The following NRF1 variants were observed in gnomAD, a reference collection of about 807,000 sequenced individuals.
NRF1 encodes the protein nuclear respiratory factor 1, also known as alpha palindromic-binding protein.
A neutral mutation model predicts 58.5 loss-of-function variants in NRF1; 5 were observed. The ratio of observed to expected loss-of-function variants is 0.09; its 90% confidence interval spans 0.04 to 0.18. The LOEUF is 0.18. NRF1 is among the 10% of genes least tolerant of loss of function. The probability of loss-of-function intolerance (pLI) is 1.00; values close to 1 mark genes in which losing one functional copy is unlikely to be tolerated. For missense variants in NRF1, 288 were observed against 657.7 expected (o/e 0.44, Z 6.15); for synonymous variants, 224 against 246.7 (o/e 0.91, Z 0.86).
intron 1 of NRF1, among the ~76,000 whole-genome samples, chr7:129,634,039 AAAAGAT>A (rs1304957133): frequency 1.6e-4 from 14 of 89,428 alleles, no homozygotes; most frequent in African/African-American, 5.6e-4. Flanking sequence ...TAAAAAAAAA[AAAAGAT>A]ATATATATAT....
intron 2 of NRF1, among the ~76,000 whole-genome samples, chr7:129,668,614 A>T (rs1466741038): frequency 6.6e-6 from 1 of 152,260 alleles, no homozygotes; most frequent in Admixed American, 6.5e-5. Context: ...AAGAATAGGT[A>T]AACAAACTGG....
chr7:129,652,237 G>C (rs1469134752), intron 1 of NRF1, among the ~76,000 whole-genome samples: 1 of 152,086 alleles, frequency 6.6e-6, no homozygotes, highest in Admixed American at 6.6e-5. Context: ...AGCCATAGAG[G>C]TCATATTTCT....
At chr7:129,625,152 A>C (rs1421255587) in intron 1 of NRF1, among the ~76,000 whole-genome samples, 2 of 152,276 alleles carry the variant, frequency 1.3e-5, no homozygotes, top group East Asian at 1.9e-4. Flanking sequence ...TTGTGGCTAC[A>C]TCACTCCAGT....
chr7:129,686,687 C>G (rs747686346), intron 4 of NRF1, among the ~76,000 whole-genome samples: 1 of 152,120 alleles, frequency 6.6e-6, no homozygotes, highest in Non-Finnish European at 1.5e-5. Context: ...TAAGTGTTTC[C>G]AAAATTTCAA....
At chr7:129,738,067 T>C (rs945017725) in intron 10 of NRF1, among the ~76,000 whole-genome samples, 2 of 152,192 alleles carry the variant, frequency 1.3e-5, no homozygotes, top group African/African-American at 4.8e-5. Context: ...CCCTTGTTGA[T>C]AGAGTGCCTT....
At chr7:129,750,348 GACTTAGGGCAC>G (rs760882842) in intron 10 of NRF1, among the ~76,000 whole-genome samples, 30 of 152,298 alleles carry the variant, frequency 2.0e-4, no homozygotes, top group Admixed American at 5.2e-4. Flanking sequence ...GCAGCCGCCC[GACTTAGGGCAC>G]GCTGGGTTTC....
intron 4 of NRF1, among the ~76,000 whole-genome samples, chr7:129,681,748 A>C (rs1802315910): frequency 1.3e-5 from 2 of 151,912 alleles, no homozygotes; most frequent in Admixed American, 1.3e-4. Context: ...TAAGATAAGA[A>C]GTACATATTT....
At chr7:129,714,680 C>T (rs549892679) in intron 8 of NRF1, among the ~76,000 whole-genome samples, 101 of 152,232 alleles carry the variant, frequency 6.6e-4, no homozygotes, top group African/African-American at 2.3e-3. Context: ...GGCTTGCTGG[C>T]ACAATCCACT....
intron 1 of NRF1, among the ~76,000 whole-genome samples, chr7:129,654,426 T>G (rs1331886749): frequency 6.6e-6 from 1 of 152,224 alleles, no homozygotes; most frequent in Admixed American, 6.5e-5. Context: ...CTCATTCTTT[T>G]GGCAGTGTCT....
intron 7 of NRF1, 35 bp downstream of exon 7, chr7:129,710,606 C>T: frequency 1.8e-6 from 2 of 1,101,260 alleles, no homozygotes; most frequent in Non-Finnish European, 2.8e-6. Context: ...ACTGTGGCTT[C>T]TGAGATGGAT....
chr7:129,640,302 A>C (rs1460453024), intron 1 of NRF1, among the ~76,000 whole-genome samples: 1 of 152,172 alleles, frequency 6.6e-6, no homozygotes, highest in Non-Finnish European at 1.5e-5. Flanking sequence ...GGATCGCATG[A>C]GCCCAGGAGT....
At chr7:129,649,209 T>C (rs1373981939) in intron 1 of NRF1, among the ~76,000 whole-genome samples, 1 of 152,188 alleles carries the variant, frequency 6.6e-6, no homozygotes, top group East Asian at 1.9e-4. Flanking sequence ...GACTTTAGGC[T>C]TCTTTAGGCT....
intron 4 of NRF1, 25 bp downstream of exon 4, chr7:129,677,783 A>G: frequency 6.2e-7 from 1 of 1,610,564 alleles, no homozygotes; most frequent in Non-Finnish European, 8.5e-7. Context: ...AGCTGTTCTC[A>G]TTTGCCCTTT....
chr7:129,651,263 AAT>A (rs1014066778), intron 1 of NRF1, among the ~76,000 whole-genome samples: 85 of 152,178 alleles, frequency 5.6e-4, no homozygotes, highest in African/African-American at 1.9e-3. Context: ...CTCTGCTAAA[AAT>A]ACAAAAATCA....
At chr7:129,653,247 G>A (rs756591854) in intron 1 of NRF1, among the ~76,000 whole-genome samples, 14 of 152,220 alleles carry the variant, frequency 9.2e-5, no homozygotes, top group Non-Finnish European at 1.3e-4. Context: ...TGTAGCATGA[G>A]TCAGAATTTC....
At chr7:129,677,897 G>T in intron 4 of NRF1, 139 bp downstream of exon 4, 2 of 938,808 alleles carry the variant, frequency 2.1e-6, no homozygotes, top group Admixed American at 4.9e-5. Flanking sequence ...CTAGTTTTCA[G>T]ACTGCTTTAT....
intron 1 of NRF1, among the ~76,000 whole-genome samples, chr7:129,650,456 T>C (rs762080509): frequency 6.6e-6 from 1 of 152,158 alleles, no homozygotes; most frequent in Non-Finnish European, 1.5e-5. Context: ...GGAGTTAATA[T>C]AGGGCTTTTT....
intron 9 of NRF1, among the ~76,000 whole-genome samples, chr7:129,724,660 A>G (rs1369042197): frequency 2.0e-5 from 3 of 152,244 alleles, no homozygotes; most frequent in Non-Finnish European, 4.4e-5. Context: ...ATGGATACAC[A>G]ATGGAATATT....
At chr7:129,720,622 G>A (rs1803300672) in intron 9 of NRF1, among the ~76,000 whole-genome samples, 1 of 152,158 alleles carries the variant, frequency 6.6e-6, no homozygotes, top group Non-Finnish European at 1.5e-5. Context: ...GGGTGAGAAG[G>A]GAGAGGAAGC....
Sources: allele counts gnomAD v4.1 joint callset (sites outside exome capture counted in the v4.1 genomes callset), GRCh38; gene constraint gnomAD v4.1.1; transcripts MANE v1.5; gene names NCBI Gene and HGNC (gene_info 2026-07-23, HGNC 2026-07-21).